Variants in TCF4 observed in about 807,000 individuals in gnomAD.
TCF4 encodes the protein transcription factor 4, also known as SL3-3 enhancer factor 2.
Under a neutral mutation model 82.1 loss-of-function variants are expected in TCF4, and 3 were observed. The observed-to-expected ratio is 0.04, with a 90% CI of 0.02 to 0.09. TCF4 has a LOEUF of 0.09. TCF4 is among the 10% of genes least tolerant of loss of function. The pLI, the probability that TCF4 is intolerant of heterozygous loss-of-function variation, is 1.00. For missense variants in TCF4, 518 were observed against 852.7 expected (o/e 0.61, Z 4.89); for synonymous variants, 276 against 309.6 (o/e 0.89, Z 1.14).
chr18:55,443,178 T>C (rs2095470838), intron 5 of TCF4, among the ~76,000 whole-genome samples: 1 of 152,212 alleles, frequency 6.6e-6, no homozygotes, highest in South Asian at 2.1e-4. Context: ...GGTTGTTGGA[T>C]ACTAATCTAT....
chr18:55,364,432 C>G lies in TCF4; in HGVS notation c.370-13429G>C, dbSNP rs77352852. On this transcript the variant is annotated intron_variant, in intron 6 of 19. Coordinates refer to ENST00000354452, the MANE Select transcript of TCF4 (RefSeq NM_001083962.2). ...AAAAGTATCTTCAAGTTTAACCATT[C>G]CCTACAATTCCTCCATCCTCAGTCA... is the stretch of plus-strand genomic sequence containing the variant. Among the ~76,000 whole-genome samples, 81 of 152,304 alleles carry G rather than the reference C, an allele frequency of 5.3e-4. No homozygotes were observed. In the East Asian group the frequency reaches 0.015, roughly 29 times the overall value.
At chr18:55,583,011 G>A (rs772686283) in intron 3 of TCF4, among the ~76,000 whole-genome samples, 3 of 152,062 alleles carry the variant, frequency 2.0e-5, no homozygotes, top group Non-Finnish European at 2.9e-5. Context: ...AATACAACCC[G>A]TTTTCTTAAC....
intron 5 of TCF4, among the ~76,000 whole-genome samples, chr18:55,426,169 A>C (rs2094975001): frequency 6.6e-6 from 1 of 151,554 alleles, no homozygotes; most frequent in African/African-American, 2.4e-5. Context: ...TTGGTAGGCT[A>C]CCTAAAAACC....
intron 2 of TCF4, among the ~76,000 whole-genome samples, chr18:55,628,044 A>G (rs558767216): frequency 1.3e-5 from 2 of 152,340 alleles, no homozygotes; most frequent in South Asian, 4.1e-4. Context: ...TGTGCGACAG[A>G]GCGAGACTGT....
intron 5 of TCF4, among the ~76,000 whole-genome samples, chr18:55,454,429 TC>T (rs1454685385): frequency 6.6e-6 from 1 of 152,148 alleles, no homozygotes; most frequent in African/African-American, 2.4e-5. Flanking sequence ...TCTATCTAAT[TC>T]CCTGATTCAC....
intron 3 of TCF4, among the ~76,000 whole-genome samples, chr18:55,485,794 A>C (rs961194493): frequency 6.6e-6 from 1 of 152,238 alleles, no homozygotes; most frequent in Non-Finnish European, 1.5e-5. Context: ...TACAGCTTGC[A>C]TTGGATTTTC....
At chr18:55,560,083 C>A (rs2097341921) in intron 3 of TCF4, among the ~76,000 whole-genome samples, 1 of 152,188 alleles carries the variant, frequency 6.6e-6, no homozygotes, top group African/African-American at 2.4e-5. Flanking sequence ...CATTAGTTAA[C>A]TTATCTTCAC....
chr18:55,425,107 C>T (rs187565590), intron 5 of TCF4, among the ~76,000 whole-genome samples: 51 of 152,252 alleles, frequency 3.3e-4, no homozygotes, highest in African/African-American at 9.1e-4. Context: ...AGGATTAAGT[C>T]AAGTTGTCAT....
At chr18:55,523,727 T>C (rs2096953086) in intron 3 of TCF4, among the ~76,000 whole-genome samples, 1 of 151,920 alleles carries the variant, frequency 6.6e-6, no homozygotes. Flanking sequence ...ACTGAACTAA[T>C]AAGAGGGAAT....
At chr18:55,537,125 C>T (rs2097123672) in intron 3 of TCF4, among the ~76,000 whole-genome samples, 1 of 143,902 alleles carries the variant, frequency 6.9e-6, no homozygotes, top group East Asian at 2.0e-4. Context: ...CAGAGCGAGA[C>T]TCCGTCTCGG....
intron 10 of TCF4, among the ~76,000 whole-genome samples, chr18:55,272,153 A>G (rs1031515228): frequency 6.6e-6 from 1 of 152,152 alleles, no homozygotes; most frequent in South Asian, 2.1e-4. Flanking sequence ...TCACAGAATA[A>G]AAAGAAAAAT....
chr18:55,323,430 T>C (rs1328918643), intron 8 of TCF4, among the ~76,000 whole-genome samples: 6 of 152,146 alleles, frequency 3.9e-5, no homozygotes, highest in Non-Finnish European at 8.8e-5. Context: ...CCCGGGCTAA[T>C]GGTGGAAAGT....
At chr18:55,439,488 C>T (rs2095396660) in intron 5 of TCF4, among the ~76,000 whole-genome samples, 1 of 152,108 alleles carries the variant, frequency 6.6e-6, no homozygotes, top group Non-Finnish European at 1.5e-5. Flanking sequence ...CTTCAAAAAC[C>T]CTCAGAAAGT....
intron 8 of TCF4, among the ~76,000 whole-genome samples, chr18:55,308,357 T>C (rs1448200086): frequency 6.6e-6 from 1 of 152,202 alleles, no homozygotes; most frequent in Non-Finnish European, 1.5e-5. Context: ...AATGTACCCA[T>C]TACCCAAATG....
chr18:55,477,488 C>T lies in TCF4; in HGVS notation c.146-13351G>A, dbSNP rs528266869. Among the ~76,000 whole-genome samples, 68 of 152,282 alleles carry T rather than the reference C, an allele frequency of 4.5e-4. 1 individual carries two copies. Among genetic ancestry groups the T allele is most frequent in the Middle Eastern group, 6.8e-3 (2 of 294 alleles). ...ATGACTGAGTTTTCACAGCTAGCAA[C>T]GTACATTTTTAAACCATGTCAGCAA... On this transcript the variant is annotated intron_variant, in intron 3 of 19. Transcript: ENST00000354452.
At position 55,302,446 on chromosome 18, in the gene TCF4, T is replaced by C. The variant is rs778236138; in HGVS notation, c.550-22790A>G. 3.8e-5 allele frequency: 58 copies of C among 1,536,184 alleles called. 1 individual carries two copies. In the African/African-American group the frequency reaches 3.8e-4, roughly 10 times the overall value. ...CTTTCCCTTCGTGGTCCAGGCAACA[T>C]AGCCCTGTATCTGAGCATCTGCATT... is the stretch of plus-strand genomic sequence containing the variant. On this transcript the variant is annotated intron_variant, in intron 8 of 19. Transcript: ENST00000354452.
At chr18:55,607,786 T>G (rs1442897096) in intron 2 of TCF4, among the ~76,000 whole-genome samples, 1 of 152,204 alleles carries the variant, frequency 6.6e-6, no homozygotes, top group African/African-American at 2.4e-5. Flanking sequence ...CTAATTCCAT[T>G]TAAGGAATGA....
At chr18:55,375,532 C>G (rs2090515965) in intron 6 of TCF4, among the ~76,000 whole-genome samples, 1 of 152,118 alleles carries the variant, frequency 6.6e-6, no homozygotes, top group African/African-American at 2.4e-5. Context: ...TCCTGTAAGT[C>G]TTTGCCAATG....
At chr18:55,614,210 T>C (rs1229925660) in intron 2 of TCF4, among the ~76,000 whole-genome samples, 2 of 152,238 alleles carry the variant, frequency 1.3e-5, no homozygotes, top group Admixed American at 1.3e-4. Flanking sequence ...CTATTACGAA[T>C]AAAGCTGCTG....
Sources: allele counts gnomAD v4.1 joint callset (sites outside exome capture counted in the v4.1 genomes callset), GRCh38; gene constraint gnomAD v4.1.1; transcripts MANE v1.5; gene names NCBI Gene and HGNC (gene_info 2026-07-23, HGNC 2026-07-21).